The following STON1 variants were observed in gnomAD, a reference collection of about 807,000 sequenced individuals.
The protein encoded by STON1 is stonin-1.
A neutral mutation model predicts 60.9 loss-of-function variants in STON1; 79 were observed. The observed-to-expected ratio is 1.30, with a 90% CI of 1.08 to 1.56. The LOEUF (loss-of-function observed/expected upper bound fraction) is 1.56. Ranked by LOEUF, STON1 falls within the 40% of genes most tolerant of loss-of-function variation. The pLI is 0.00. For synonymous variants in STON1, 363 were observed against 306.9 expected, an observed-to-expected ratio of 1.18 and a Z score of -1.91; for missense variants, 1,166 against 858.9, an observed-to-expected ratio of 1.36 and a Z score of -4.47.
intron 3 of STON1, among the ~76,000 whole-genome samples, chr2:48,594,354 ATTACT>A (rs765532917): frequency 3.3e-5 from 5 of 152,196 alleles, no homozygotes; most frequent in Non-Finnish European, 7.3e-5. Flanking sequence ...ACAATTAAAA[ATTACT>A]TTACAAAGTA....
chr2:48,564,486 CTTCTTCTTCTTCTTCTT>C lies in STON1; in HGVS notation c.-47-16100_-47-16084del, dbSNP rs1558604891. On this transcript the variant is annotated intron_variant, in intron 1 of 3. Transcript: ENST00000404752. ...CTTCTTCTTCTTCTTCTTCTTTCTT[CTTCTTCTTCTTCTTCTT>C]CTTCTTCTTCTTCTTCTTCTTCTTC... Among the ~76,000 whole-genome samples, 10 of 24,682 alleles carry C rather than the reference CTTCTTCTTCTTCTTCTT, an allele frequency of 4.1e-4. 1 individual carries two copies. The highest frequency in any genetic ancestry group is 6.5e-4 in the African/African-American group (4 of 6,186). The allele number at this position is 24,682 out of a possible 152,430, so 16.2% of individuals were successfully genotyped here. A position where few individuals can be genotyped will look rare whatever the true frequency, so the allele number is the denominator to read the frequency against.
At chr2:48,570,852 T>G (rs1019108444) in intron 1 of STON1, among the ~76,000 whole-genome samples, 2 of 137,934 alleles carry the variant, frequency 1.4e-5, no homozygotes, top group Non-Finnish European at 3.1e-5. Context: ...AGTTTTTTTT[T>G]TTTTTTTTTT....
intron 1 of STON1, among the ~76,000 whole-genome samples, chr2:48,538,763 A>ATTTTTTTTTTTTTTTTTTT (rs34052598): frequency 4.6e-5 from 4 of 86,370 alleles, no homozygotes; most frequent in Non-Finnish European, 8.8e-5. Flanking sequence ...ACACCCAGCT[A>ATTTTTTTTTTTTTTTTTTT]TTTTTTTTTT....
intron 1 of STON1, chr2:48,530,448 T>A (rs1241583873): frequency 5.6e-6 from 1 of 179,690 alleles, no homozygotes; most frequent in Non-Finnish European, 1.1e-5. Flanking sequence ...CCCTCTGTTC[T>A]GAGACTGCTG....
intron 1 of STON1, among the ~76,000 whole-genome samples, chr2:48,564,488 T>TCTTCTTCTTCTTC (rs1672796658): frequency 4.7e-5 from 1 of 21,258 alleles, no homozygotes; most frequent in Non-Finnish European, 9.6e-5. Context: ...TCTTTCTTCT[T>TCTTCTTCTTCTTC]CTTCTTCTTC....
At chr2:48,572,094 C>T (rs574122746) in intron 1 of STON1, among the ~76,000 whole-genome samples, 32 of 152,164 alleles carry the variant, frequency 2.1e-4, no homozygotes, top group African/African-American at 6.7e-4. Context: ...ACCTGGGAGG[C>T]AGAGGTTGCA....
At chr2:48,533,437 CCAA>C (rs1485275557) in intron 1 of STON1, among the ~76,000 whole-genome samples, 2 of 151,372 alleles carry the variant, frequency 1.3e-5, no homozygotes, top group Non-Finnish European at 2.9e-5. Flanking sequence ...ACCTGTAATC[CCAA>C]CATTTTGGGA....
intron 1 of STON1, among the ~76,000 whole-genome samples, chr2:48,555,504 C>A (rs1672307250): frequency 1.2e-5 from 1 of 84,326 alleles, no homozygotes; most frequent in Non-Finnish European, 2.4e-5. Flanking sequence ...GGGGGGCTGA[C>A]CCCCCCACCT....
At chr2:48,554,726 A>ATTTTTTTTTTTTTTTTTTTTTT (rs1672247431) in intron 1 of STON1, among the ~76,000 whole-genome samples, 1 of 63,556 alleles carries the variant, frequency 1.6e-5, no homozygotes, top group Non-Finnish European at 3.2e-5. Context: ...TTTTTTTTTT[A>ATTTTTTTTTTTTTTTTTTTTTT]TTTATTTATT....
intron 1 of STON1, chr2:48,531,744 T>A (rs1306454037): frequency 2.6e-5 from 4 of 152,218 alleles, no homozygotes; most frequent in African/African-American, 4.8e-5. Context: ...CTGGGGGATG[T>A]TGAATGTTTT....
At chr2:48,571,097 C>G (rs531527798) in intron 1 of STON1, among the ~76,000 whole-genome samples, 1 of 152,270 alleles carries the variant, frequency 6.6e-6, no homozygotes, top group Admixed American at 6.5e-5. Flanking sequence ...CTCCAGTGAT[C>G]TGCCCGCCTT....
chr2:48,540,649 G>A (rs999820364), intron 1 of STON1, among the ~76,000 whole-genome samples: 1 of 152,228 alleles, frequency 6.6e-6, no homozygotes, highest in East Asian at 1.9e-4. Flanking sequence ...CTTTCCCTGA[G>A]TTCTGTGAGC....
chr2:48,586,804 GAC>G (rs1674232722), intron 2 of STON1, among the ~76,000 whole-genome samples: 1 of 152,176 alleles, frequency 6.6e-6, no homozygotes, highest in South Asian at 2.1e-4. Flanking sequence ...GTAGATTATA[GAC>G]ACAGGGAAGT....
At chr2:48,583,962 G>A (rs1042789520) in intron 2 of STON1, among the ~76,000 whole-genome samples, 1 of 151,706 alleles carries the variant, frequency 6.6e-6, no homozygotes, top group Non-Finnish European at 1.5e-5. Flanking sequence ...TATTGGCCAG[G>A]GTGGTCTCAA....
At position 48,581,955 on chromosome 2, in the gene STON1, A is replaced by G. The variant is rs535170365; in HGVS notation, c.1322A>G (p.Gln441Arg). 7 of 1,614,210 alleles carry G rather than the reference A, an allele frequency of 4.3e-6. No individual in the cohort carries two copies. The highest frequency in any genetic ancestry group is 5.9e-6 in the Non-Finnish European group (7 of 1,180,034). ...GKFVESAVIT[Q>R]IYCLCFVNGN... ...TTTGTTGAAAGTGCTGTGATAACTC[A>G]AATTTATTGCCTCTGCTTTGTGAAT... The change falls in exon 2 of 4, where the codon CAA becomes CGA. Residue 441 changes from glutamine to arginine, a missense_variant. Transcript: ENST00000404752.
chr2:48,583,064 A>G (rs2103922668), intron 2 of STON1, among the ~76,000 whole-genome samples: 1 of 152,248 alleles, frequency 6.6e-6, no homozygotes. Flanking sequence ...TGTTGACTGA[A>G]TTCACCCATT....
chr2:48,537,962 CT>C (rs920170873), intron 1 of STON1, among the ~76,000 whole-genome samples: 7 of 147,774 alleles, frequency 4.7e-5, no homozygotes, highest in Admixed American at 1.4e-4. Flanking sequence ...CTTTCTTTAT[CT>C]TTTTTTTTTC....
chr2:48,557,120 C>G (rs1466833317), intron 1 of STON1, among the ~76,000 whole-genome samples: 3 of 102,346 alleles, frequency 2.9e-5, no homozygotes, highest in Non-Finnish European at 4.2e-5. Flanking sequence ...CGGGCGGAGA[C>G]GCTCCTCACT....
chr2:48,554,446 C>T (rs1032259026), intron 1 of STON1, among the ~76,000 whole-genome samples: 3 of 152,164 alleles, frequency 2.0e-5, no homozygotes, highest in Non-Finnish European at 4.4e-5. Flanking sequence ...TAGTTTCGAA[C>T]TCCTGACCTC....
Sources: gnomAD v4.1 joint callset for allele counts (sites outside exome capture counted in the v4.1 genomes callset) on GRCh38, gnomAD v4.1.1 for gene constraint, MANE v1.5 for transcripts, NCBI Gene and HGNC (gene_info 2026-07-23, HGNC 2026-07-21) for gene names.